INPP4B: variants seen among roughly 807,000 people sequenced by gnomAD.
INPP4B encodes inositol polyphosphate-4-phosphatase type II B.
INPP4B carries 55 observed loss-of-function variants against 122.5 expected under a neutral mutation model. That is an observed-to-expected ratio of 0.45 (90% confidence interval 0.36 to 0.56). The LOEUF is 0.56. INPP4B is among the 20% of genes least tolerant of loss of function. The pLI is 0.00. For missense variants in INPP4B, 1,000 were observed against 1,097.7 expected (o/e 0.91, Z 1.26); for synonymous variants, 403 against 388.7 (o/e 1.04, Z -0.43).
chr4:142,813,112 G>C (rs768919873), intron 1 of INPP4B, among the ~76,000 whole-genome samples: 2 of 152,066 alleles, frequency 1.3e-5, no homozygotes, highest in Non-Finnish European at 2.9e-5. Context: ...CTCCATTCTA[G>C]TGCTACATGA....
intron 2 of INPP4B, among the ~76,000 whole-genome samples, chr4:142,695,637 G>A (rs910505295): frequency 8.5e-5 from 13 of 152,090 alleles, no homozygotes; most frequent in Non-Finnish European, 1.2e-4. Flanking sequence ...CCATCATGTT[G>A]TTAGCAGCAT....
intron 1 of INPP4B, among the ~76,000 whole-genome samples, chr4:142,769,837 CAGGAAGACAG>C (rs1289806385): frequency 2.6e-5 from 4 of 152,056 alleles, no homozygotes; most frequent in African/African-American, 9.7e-5. Flanking sequence ...TCGCTTGAGC[CAGGAAGACAG>C]AGGTGGCAGT....
chr4:142,364,730 C>T (rs1786764072), intron 7 of INPP4B, among the ~76,000 whole-genome samples: 3 of 152,094 alleles, frequency 2.0e-5, no homozygotes, highest in African/African-American at 7.2e-5. Context: ...TCCATGTGTG[C>T]CAACAGGATC....
chr4:142,565,831 A>T (rs1476632981), intron 2 of INPP4B, among the ~76,000 whole-genome samples: 1 of 152,214 alleles, frequency 6.6e-6, no homozygotes, highest in East Asian at 1.9e-4. Flanking sequence ...TTCGGATAAG[A>T]CATGTTGATA....
intron 15 of INPP4B, among the ~76,000 whole-genome samples, chr4:142,183,097 CTG>C (rs1303357223): frequency 7.2e-5 from 11 of 152,196 alleles, no homozygotes; most frequent in Admixed American, 2.0e-4. Flanking sequence ...AGAAGCTGCT[CTG>C]TGTTGCTGGA....
At chr4:142,228,127 C>A (rs1852443916) in intron 12 of INPP4B, among the ~76,000 whole-genome samples, 1 of 151,676 alleles carries the variant, frequency 6.6e-6, no homozygotes, top group Non-Finnish European at 1.5e-5. Context: ...ATTTTTTTAT[C>A]ACATAGTTTT....
rs144407304 is a variant in INPP4B at position 142,401,621 on chromosome 4, C to G, written c.372+1317G>C. 1.0e-3 allele frequency among the ~76,000 whole-genome samples: 159 copies of G among 152,212 alleles called. No individual in the cohort carries two copies. In the East Asian group the frequency reaches 0.012, roughly 11 times the overall value. On this transcript the variant is annotated intron_variant, in intron 7 of 25. Coordinates refer to ENST00000262992, the MANE Select transcript of INPP4B (RefSeq NM_001101669.3). ...AACAGCAATAATAGCAGTAACTTAC[C>G]CTTATTAATTACTCTGTAACAGTCA...
intron 3 of INPP4B, among the ~76,000 whole-genome samples, chr4:142,458,360 C>A (rs900326296): frequency 5.3e-5 from 8 of 151,744 alleles, no homozygotes; most frequent in Non-Finnish European, 1.2e-4. Flanking sequence ...GTGGTGGCTG[C>A]GCAAATGTGT....
chr4:142,415,357 C>G (rs1054488608), intron 5 of INPP4B, among the ~76,000 whole-genome samples: 1 of 151,956 alleles, frequency 6.6e-6, no homozygotes, highest in African/African-American at 2.4e-5. Context: ...GGCTGGACTC[C>G]GAGTGAATGC....
At chr4:142,210,628 T>C (rs890960385) in intron 12 of INPP4B, among the ~76,000 whole-genome samples, 5 of 152,224 alleles carry the variant, frequency 3.3e-5, no homozygotes, top group Non-Finnish European at 7.3e-5. Flanking sequence ...ATCTGAGCAA[T>C]TAGGTTGAAT....
chr4:142,337,400 A>C (rs1777025151), intron 7 of INPP4B, among the ~76,000 whole-genome samples: 1 of 151,924 alleles, frequency 6.6e-6, no homozygotes, highest in Non-Finnish European at 1.5e-5. Context: ...GTTTTTCAAA[A>C]TGGTTATATT....
chr4:142,493,054 C>G (rs968138920), intron 2 of INPP4B, among the ~76,000 whole-genome samples: 1 of 152,224 alleles, frequency 6.6e-6, no homozygotes, highest in Non-Finnish European at 1.5e-5. Flanking sequence ...TGCCAATGTA[C>G]AGCTCAGGGC....
At chr4:142,641,651 T>A (rs900652778) in intron 2 of INPP4B, among the ~76,000 whole-genome samples, 1 of 152,216 alleles carries the variant, frequency 6.6e-6, no homozygotes, top group African/African-American at 2.4e-5. Context: ...TGCCACATTT[T>A]CTTAATCCAG....
At chr4:142,345,916 A>AT (rs1219911953) in intron 7 of INPP4B, among the ~76,000 whole-genome samples, 1 of 152,006 alleles carries the variant, frequency 6.6e-6, no homozygotes, top group Non-Finnish European at 1.5e-5. Flanking sequence ...AATGGCTTCT[A>AT]GATCTTCTCT....
At chr4:142,359,163 A>T (rs1784574614) in intron 7 of INPP4B, among the ~76,000 whole-genome samples, 2 of 151,934 alleles carry the variant, frequency 1.3e-5, no homozygotes, top group Non-Finnish European at 2.9e-5. Context: ...CTAGCCACAG[A>T]ATTCTTTCTT....
chr4:142,561,901 AT>A lies in INPP4B; in HGVS notation c.-190-99176del, dbSNP rs950146988. 3.2e-4 allele frequency among the ~76,000 whole-genome samples: 49 copies of A among 151,476 alleles called. No homozygotes were observed. The South Asian group carries it at 9.2e-3, about 28-fold the overall frequency. On this transcript the variant is annotated intron_variant, in intron 2 of 25. Coordinates refer to ENST00000262992, the MANE Select transcript of INPP4B (RefSeq NM_001101669.3). ...GGTTCTGTCTAAAGCCTGAAAAATA[AT>A]TTTTTTTTGCAAAGAGTTTCTATGT...
chr4:142,465,989 C>A (rs1216776052), intron 2 of INPP4B, among the ~76,000 whole-genome samples: 1 of 152,132 alleles, frequency 6.6e-6, no homozygotes, highest in East Asian at 1.9e-4. Flanking sequence ...CCAAATAAAT[C>A]TCTTTTATTT....
chr4:142,278,766 G>A (rs569279250), intron 9 of INPP4B, among the ~76,000 whole-genome samples: 24 of 152,002 alleles, frequency 1.6e-4, no homozygotes, highest in African/African-American at 5.3e-4. Flanking sequence ...GCTCCAGAAA[G>A]TGACTTCTTA....
At chr4:142,371,425 G>A (rs373209204) in intron 7 of INPP4B, among the ~76,000 whole-genome samples, 44 of 151,866 alleles carry the variant, frequency 2.9e-4, no homozygotes, top group African/African-American at 1.1e-3. Context: ...TAGACAAAGG[G>A]GACTATATTA....
Sources: gnomAD v4.1 joint callset for allele counts (sites outside exome capture counted in the v4.1 genomes callset) on GRCh38, gnomAD v4.1.1 for gene constraint, MANE v1.5 for transcripts, NCBI Gene and HGNC (gene_info 2026-07-23, HGNC 2026-07-21) for gene names.